Variants in HMGB1 observed in about 807,000 individuals in gnomAD.
HMGB1 encodes high mobility group box 1.
For synonymous variants in HMGB1, 81 were observed against 84.0 expected (o/e 0.96, Z 0.19); for missense variants, 79 against 253.5 (o/e 0.31, Z 4.67).
intron 1 of HMGB1, among the ~76,000 whole-genome samples, chr13:30,578,756 T>A (rs772483254): frequency 6.6e-6 from 1 of 152,230 alleles, no homozygotes; most frequent in Non-Finnish European, 1.5e-5. Flanking sequence ...TATATACCTA[T>A]ACTCTTGCTA....
At chr13:30,471,608 G>A (rs1177283333) in intron 1 of HMGB1, among the ~76,000 whole-genome samples, 4 of 133,172 alleles carry the variant, frequency 3.0e-5, no homozygotes, top group African/African-American at 8.4e-5. Flanking sequence ...ACCCGCCTCC[G>A]CCTCCCAAAG....
rs1287812705 is a variant in HMGB1, at chr13:30,607,462, T to C, written c.-15+9209A>G. ...CGCTCTCTTCTGCCACCATGTAAGA[T>C]GTGCCTTGCTTCCCCTTTGCCTTCT... is the stretch of plus-strand genomic sequence containing the variant. On this transcript the variant is annotated intron_variant, in intron 1 of 4. Coordinates refer to the HMGB1 transcript ENST00000405805. Among the ~76,000 whole-genome samples, 6 of 151,902 alleles carry C rather than the reference T, an allele frequency of 3.9e-5. No individual in the cohort carries two copies. The East Asian group carries it at 1.0e-3, about 25-fold the overall frequency.
intron 1 of HMGB1, among the ~76,000 whole-genome samples, chr13:30,561,326 T>C (rs7989032): frequency 0.24 from 36,473 of 152,096 alleles, 7,824 homozygotes; most frequent in African/African-American, 0.58. Context: ...ATCACCTAGC[T>C]TGTGTGTGTC....
At chr13:30,571,764 T>A (rs1870445878) in intron 1 of HMGB1, among the ~76,000 whole-genome samples, 1 of 152,162 alleles carries the variant, frequency 6.6e-6, no homozygotes, top group African/African-American at 2.4e-5. Context: ...TGAAAATAGT[T>A]CAGGATTAAG....
At chr13:30,567,871 T>C (rs548727773) in intron 1 of HMGB1, among the ~76,000 whole-genome samples, 2 of 152,316 alleles carry the variant, frequency 1.3e-5, no homozygotes, top group East Asian at 3.9e-4. Flanking sequence ...AGTTAGCAAG[T>C]CCTGGGAACT....
chr13:30,506,705 G>A (rs1887877137), intron 1 of HMGB1, among the ~76,000 whole-genome samples: 1 of 152,140 alleles, frequency 6.6e-6, no homozygotes, highest in African/African-American at 2.4e-5. Flanking sequence ...GGCTGGTTTG[G>A]CATTCTCAAA....
At chr13:30,555,041 T>TTTG (rs1869619840) in intron 1 of HMGB1, among the ~76,000 whole-genome samples, 2 of 134,908 alleles carry the variant, frequency 1.5e-5, no homozygotes, top group Admixed American at 7.5e-5. Flanking sequence ...GTGTTTTTTT[T>TTTG]TTTTTTTTTT....
At chr13:30,564,566 G>A (rs1870108109) in intron 1 of HMGB1, among the ~76,000 whole-genome samples, 2 of 152,098 alleles carry the variant, frequency 1.3e-5, no homozygotes, top group Admixed American at 1.3e-4. Flanking sequence ...ATTTTAGAAG[G>A]TTTATAATAC....
At chr13:30,497,121 C>T (rs1206568672) in intron 1 of HMGB1, among the ~76,000 whole-genome samples, 2 of 152,146 alleles carry the variant, frequency 1.3e-5, no homozygotes, top group East Asian at 1.9e-4. Flanking sequence ...TTCCTCTTCA[C>T]GTTTCACTGT....
rs1191704053 is a variant in HMGB1, at chr13:30,461,411, C to T, written c.594G>A (p.Glu198=). 3.1e-6 allele frequency: 5 copies of T among 1,590,260 alleles called. No individual in the cohort carries two copies. Among genetic ancestry groups the T allele is most frequent in the Non-Finnish European group, 4.3e-6 (5 of 1,171,536 alleles). The change falls in exon 5 of 5, where the codon GAG becomes GAA. Residue 198 remains glutamate, a synonymous_variant. Transcript: ENST00000341423. ...EEDEEDEEDE[E]EEEDEEDEDE... is the part of the protein sequence containing the mutation. Reference sequence around the variant, plus strand: ...CTTCATCTTCTTCATCTTCCTCCTCCTCCTCATCCTCTTCATCTTCCTCAT... The same window carrying T: ...CTTCATCTTCTTCATCTTCCTCCTCTTCCTCATCCTCTTCATCTTCCTCAT...
intron 1 of HMGB1, among the ~76,000 whole-genome samples, chr13:30,568,313 C>T (rs1448111984): frequency 6.6e-6 from 1 of 152,074 alleles, no homozygotes; most frequent in Non-Finnish European, 1.5e-5. Flanking sequence ...TCAAGAACAG[C>T]CCAGGCAACA....
At chr13:30,554,787 C>T (rs1593309134) in intron 1 of HMGB1, 3 of 764,562 alleles carry the variant, frequency 3.9e-6, no homozygotes, top group East Asian at 2.4e-5. Context: ...TGAGAACGAA[C>T]AAAAAAGAAA....
At chr13:30,475,163 A>G (rs1160860663) in intron 1 of HMGB1, among the ~76,000 whole-genome samples, 1 of 78,242 alleles carries the variant, frequency 1.3e-5, no homozygotes, top group East Asian at 3.6e-4. Context: ...TTTTTTTGAG[A>G]CAGGGTCTCG....
Position 30,559,248 on chromosome 13 carries a change from G to A in HMGB1, c.-15+57423C>T, listed in dbSNP as rs559199156. Among the ~76,000 whole-genome samples the A allele has an allele frequency of 9.9e-5, 15 of 152,096 alleles. No homozygotes were observed. Among genetic ancestry groups the A allele is most frequent in the African/African-American group, 3.6e-4 (15 of 41,508 alleles). On this transcript the variant is annotated intron_variant, in intron 1 of 4. Transcript: ENST00000405805. The surrounding 1 kb of genome is among the most constrained non-coding windows in gnomAD (Gnocchi z 6.6). ...CGTTAGGCACTGGCCTCACTCCAAGGCCAGTGCTTCCTGTGCTTCTAGAGT... is the reference window on the plus strand; with the variant it reads ...CGTTAGGCACTGGCCTCACTCCAAGACCAGTGCTTCCTGTGCTTCTAGAGT...
intron 1 of HMGB1, among the ~76,000 whole-genome samples, chr13:30,560,363 C>T (rs376381126): frequency 1.2e-4 from 18 of 152,122 alleles, no homozygotes; most frequent in African/African-American, 3.6e-4. Flanking sequence ...TGAAGCTTAT[C>T]GGTAGCCTTA....
Position 30,534,119 on chromosome 13 carries a change from A to G in HMGB1, c.-14-70425T>C, listed in dbSNP as rs540337399. 2.0e-5 allele frequency among the ~76,000 whole-genome samples: 3 copies of G among 152,276 alleles called. No homozygotes were observed. The East Asian group carries it at 5.8e-4, about 29-fold the overall frequency. On this transcript the variant is annotated intron_variant, in intron 1 of 4. Coordinates refer to the HMGB1 transcript ENST00000405805. ...CCTCAGGTGATCTGCCTGCCTCCCA[A>G]AGTGCTGGGATTATATGCGTGAGCC...
upstream of HMGB1, among the ~76,000 whole-genome samples, chr13:30,466,472 C>G (rs148582741): frequency 7.1e-4 from 108 of 152,298 alleles, 1 homozygote; most frequent in African/African-American, 2.4e-3. Flanking sequence ...TCAAAGGTCT[C>G]TGATTGCGTT....
intron 1 of HMGB1, among the ~76,000 whole-genome samples, chr13:30,560,865 G>T (rs1438220071): frequency 1.3e-5 from 2 of 152,012 alleles, no homozygotes; most frequent in Non-Finnish European, 1.5e-5. Flanking sequence ...GTTGAAGAGC[G>T]ATGGACATTT....
At chr13:30,523,484 T>C (rs1195803440) in intron 1 of HMGB1, among the ~76,000 whole-genome samples, 2 of 151,862 alleles carry the variant, frequency 1.3e-5, no homozygotes, top group African/African-American at 4.8e-5. Context: ...CAGAGTGAGA[T>C]AGGTTAATCA....
Sources: allele counts gnomAD v4.1 joint callset (sites outside exome capture counted in the v4.1 genomes callset), GRCh38; gene constraint gnomAD v4.1.1; non-coding constraint Gnocchi (gnomAD v3.1); transcripts MANE v1.5; gene names NCBI Gene and HGNC (gene_info 2026-07-23, HGNC 2026-07-21).